ATP7B: variants seen among roughly 807,000 people sequenced by gnomAD.
ATP7B encodes the protein copper-transporting ATPase 2.
A neutral mutation model predicts 118.9 loss-of-function variants in ATP7B; 113 were observed. The ratio of observed to expected loss-of-function variants is 0.95; its 90% confidence interval spans 0.82 to 1.11. The LOEUF is 1.11. Ranked by LOEUF, ATP7B falls within the 50% of genes most tolerant of loss-of-function variation. The pLI is 0.00. For synonymous variants in ATP7B, 777 were observed against 727.4 expected, an observed-to-expected ratio of 1.07 and a Z score of -1.10; for missense variants, 1,867 against 1,871.4, an observed-to-expected ratio of 1.00 and a Z score of 0.04.
chr13:52,009,058 G>A (rs1436004985), intron 1 of ATP7B, among the ~76,000 whole-genome samples: 2 of 150,068 alleles, frequency 1.3e-5, no homozygotes, highest in African/African-American at 4.9e-5. Flanking sequence ...TTTTTTTTTT[G>A]TATAAACGAT....
rs201061621 is a variant in ATP7B at position 51,946,423 on chromosome 13, G to T, written c.2921C>A (p.Thr974Lys). The T allele has an allele frequency of 6.2e-7, 1 of 1,614,092 alleles. No individual in the cohort carries two copies. Among genetic ancestry groups the T allele is most frequent in the Non-Finnish European group, 8.5e-7 (1 of 1,180,054 alleles). ...TEVIIRFAFQTSITVLCIACP... is the reference protein window; with the variant it reads ...TEVIIRFAFQKSITVLCIACP... Reference sequence around the variant, plus strand: ...GGCAATGCACAGCACCGTGATGGACGTCTGGAAAGCAAACCGGATGATCAC... The same window carrying T: ...GGCAATGCACAGCACCGTGATGGACTTCTGGAAAGCAAACCGGATGATCAC... The change falls in exon 13 of 21, where the codon ACG becomes AAG. Residue 974 changes from threonine to lysine, a missense_variant. By Grantham distance (78) the Thr-to-Lys change is moderately conservative (BLOSUM62 -1). Coordinates refer to ENST00000242839, the MANE Select transcript of ATP7B (RefSeq NM_000053.4).
chr13:51,944,170 C>T lies in ATP7B; in HGVS notation c.3182G>A (p.Gly1061Glu), dbSNP rs764131178. 2.3e-5 allele frequency: 37 copies of T among 1,614,164 alleles called. No homozygotes were observed. In the South Asian group the frequency reaches 3.6e-4, roughly 16 times the overall value. Reference protein sequence around the residue: ...LPLRKVLAVVGTAEASSEHPL... With the variant: ...LPLRKVLAVVETAEASSEHPL... ...GTGTTCACTGCTGGCCTCCGCAGTCCCCACCACAGCCAGAACCTTCCTGAG... is the reference window on the plus strand; with the variant it reads ...GTGTTCACTGCTGGCCTCCGCAGTCTCCACCACAGCCAGAACCTTCCTGAG... Residue 1061 changes from glycine (G) to glutamate (E), a missense_variant, in exon 14 of 21, where the codon GGG becomes GAG. Gly to Glu is a moderately conservative substitution (Grantham distance 98, BLOSUM62 -2). Coordinates refer to ENST00000242839, the MANE Select transcript of ATP7B (RefSeq NM_000053.4).
In ATP7B at chr13:51,970,478, C is replaced by T. The variant is rs770362811; in HGVS notation, c.1543+14G>A. 131 of 1,613,998 alleles carry T rather than the reference C, an allele frequency of 8.1e-5. No individual in the cohort carries two copies. Among genetic ancestry groups the T allele is most frequent in the East Asian group, 2.0e-4 (9 of 44,886 alleles). ...GCAGCATTCCTAAGTTCAACATGGGCGTTCATCTCTTACCAGCTTCTTTCT... is the reference window on the plus strand; with the variant it reads ...GCAGCATTCCTAAGTTCAACATGGGTGTTCATCTCTTACCAGCTTCTTTCT... On this transcript the variant is annotated intron_variant, in intron 3 of 20. Transcript: ENST00000242839.
chr13:51,965,077 G>C, intron 4 of ATP7B, 44 bp from the exon 5 acceptor site: 1 of 1,610,354 alleles, frequency 6.2e-7, no homozygotes, highest in Non-Finnish European at 8.5e-7. Context: ...CAGGATCAAG[G>C]AAAGCCTGTG....
At chr13:52,002,351 C>G (rs926312881) in intron 1 of ATP7B, among the ~76,000 whole-genome samples, 1 of 150,210 alleles carries the variant, frequency 6.7e-6, no homozygotes, top group Non-Finnish European at 1.5e-5. Flanking sequence ...CACTTGAGCC[C>G]AGGAGTTTAA....
chr13:52,006,219 C>T (rs183457355), intron 1 of ATP7B, among the ~76,000 whole-genome samples: 11 of 152,344 alleles, frequency 7.2e-5, no homozygotes, highest in Admixed American at 2.0e-4. Context: ...GCACTGAACA[C>T]GGATACTTCC....
rs1957774533 is a variant in ATP7B at position 51,948,061 on chromosome 13, A to G, written c.2866-1583T>C. 3.3e-5 allele frequency among the ~76,000 whole-genome samples: 5 copies of G among 152,210 alleles called. No individual in the cohort carries two copies. In the South Asian group the frequency reaches 1.0e-3, roughly 32 times the overall value. ...ATAGCCACAGGCACATTCTACCAAT[A>G]TATCTGTAAGTTACTTTTAAGAGCA... On this transcript the variant is annotated intron_variant, in intron 12 of 20. Coordinates refer to ENST00000242839, the MANE Select transcript of ATP7B (RefSeq NM_000053.4).
intron 1 of ATP7B, chr13:51,995,471 A>C (rs531936472): frequency 4.8e-6 from 2 of 417,292 alleles, no homozygotes; most frequent in Non-Finnish European, 6.4e-6. Flanking sequence ...GACAGACAGC[A>C]GGGTCACATG....
chr13:51,962,062 C>T, intron 5 of ATP7B, 149 bp from the exon 6 acceptor site: 1 of 665,956 alleles, frequency 1.5e-6, no homozygotes, highest in Non-Finnish European at 2.7e-6. Flanking sequence ...CTTACAACTT[C>T]TTTACCCAAT....
intron 2 of ATP7B, among the ~76,000 whole-genome samples, chr13:51,972,638 G>A (rs1951897104): frequency 6.6e-6 from 1 of 152,094 alleles, no homozygotes; most frequent in South Asian, 2.1e-4. Flanking sequence ...TGCCTCCATG[G>A]ACACTGTACT....
At chr13:51,950,925 T>C (rs1486212809) in intron 9 of ATP7B, among the ~76,000 whole-genome samples, 1 of 152,094 alleles carries the variant, frequency 6.6e-6, no homozygotes, top group African/African-American at 2.4e-5. Context: ...CAAGCAAGGC[T>C]GGCAGGAAGT....
chr13:51,988,351 A>G (rs1226195067), intron 1 of ATP7B, among the ~76,000 whole-genome samples: 4 of 152,260 alleles, frequency 2.6e-5, no homozygotes, highest in East Asian at 3.8e-4. Flanking sequence ...CAAAACCACA[A>G]TGAGATACCA....
Position 51,974,860 on chromosome 13 carries a change from G to A in ATP7B, c.360C>T (p.Gly120=), listed in dbSNP as rs1952028232. The A allele has an allele frequency of 3.1e-6, 5 of 1,614,216 alleles. No individual in the cohort carries two copies. In the Admixed American group the frequency reaches 5.0e-5, roughly 16 times the overall value. Residue 120 remains glycine, a synonymous_variant, in exon 2 of 21, where the codon GGC becomes GGT. Coordinates refer to ENST00000242839, the MANE Select transcript of ATP7B (RefSeq NM_000053.4). ...QQVCHQIGDM[G]FEASIAEGKA... is the part of the protein sequence containing the mutation. Reference sequence around the variant, plus strand: ...TTCCTTCTGCAATGCTGGCCTCGAAGCCCATGTCCCCAATTTGATGGCAAA... The same window carrying A: ...TTCCTTCTGCAATGCTGGCCTCGAAACCCATGTCCCCAATTTGATGGCAAA...
At chr13:51,952,025 G>A (rs1482210662) in intron 9 of ATP7B, among the ~76,000 whole-genome samples, 1 of 152,210 alleles carries the variant, frequency 6.6e-6, no homozygotes, top group Non-Finnish European at 1.5e-5. Flanking sequence ...CAGTGAGAAG[G>A]CAAAGACAAC....
intron 1 of ATP7B, among the ~76,000 whole-genome samples, chr13:51,981,320 G>C (rs1952406345): frequency 6.6e-6 from 1 of 152,162 alleles, no homozygotes; most frequent in South Asian, 2.1e-4. Context: ...CAAGAGAGCT[G>C]AGCTGCCTGA....
chr13:52,011,303 T>A lies in ATP7B; in HGVS notation c.35A>T (p.Glu12Val), dbSNP rs374944498. The A allele has an allele frequency of 3.7e-6, 6 of 1,614,074 alleles. No individual in the cohort carries two copies. Among genetic ancestry groups the A allele is most frequent in the African/African-American group, 2.7e-5 (2 of 74,930 alleles). ...AAAACTCACTTTCCGACTGGCCCCTTCTCTGGCTGTGATCTGTCTCTCCTG... is the reference window on the plus strand; with the variant it reads ...AAAACTCACTTTCCGACTGGCCCCTACTCTGGCTGTGATCTGTCTCTCCTG... ...PEQERQITAR[E>V]GASRKILSKL... is the part of the protein sequence containing the mutation. The change falls in exon 1 of 21, where the codon GAA (glutamate) becomes GTA (valine). Residue 12 changes from glutamate (E) to valine (V), a missense_variant. Coordinates refer to ENST00000242839, the MANE Select transcript of ATP7B (RefSeq NM_000053.4).
At chr13:51,980,620 C>A (rs190312619) in intron 1 of ATP7B, among the ~76,000 whole-genome samples, 1 of 152,326 alleles carries the variant, frequency 6.6e-6, no homozygotes, top group East Asian at 1.9e-4. Flanking sequence ...CAAAGCCAAT[C>A]TGATAGTGAA....
chr13:51,954,313 G>A (rs1783029621), intron 9 of ATP7B, among the ~76,000 whole-genome samples: 1 of 152,220 alleles, frequency 6.6e-6, no homozygotes, highest in South Asian at 2.1e-4. Flanking sequence ...GGCGGATGCC[G>A]GGCCTCACTG....
At chr13:52,004,195 G>A (rs368383944) in intron 1 of ATP7B, among the ~76,000 whole-genome samples, 1 of 152,200 alleles carries the variant, frequency 6.6e-6, no homozygotes, top group Non-Finnish European at 1.5e-5. Flanking sequence ...CCGGCAGAGG[G>A]AGGTTGCAGT....
Sources: gnomAD v4.1 joint callset for allele counts (sites outside exome capture counted in the v4.1 genomes callset) on GRCh38, gnomAD v4.1.1 for gene constraint, MANE v1.5 for transcripts, NCBI Gene and HGNC (gene_info 2026-07-23, HGNC 2026-07-21) for gene names.